DNAJC13: variants seen among roughly 807,000 people sequenced by gnomAD.
DNAJC13 encodes DnaJ heat shock protein family (Hsp40) member C13.
Under a neutral mutation model 290.5 loss-of-function variants are expected in DNAJC13, and 75 were observed. The observed-to-expected ratio is 0.26, with a 90% CI of 0.21 to 0.31. DNAJC13 has a LOEUF of 0.31. Among genes scored for constraint, DNAJC13 ranks in the 10% least tolerant of loss-of-function variants. The probability of loss-of-function intolerance (pLI) is 1.00; values close to 1 mark genes in which losing one functional copy is unlikely to be tolerated. For synonymous variants in DNAJC13, 862 were observed against 892.0 expected (o/e 0.97, Z 0.60); for missense variants, 2,260 against 2,674.5 (o/e 0.85, Z 3.42).
chr3:132,497,219 A>G (rs565848037), intron 36 of DNAJC13, among the ~76,000 whole-genome samples: 2 of 152,354 alleles, frequency 1.3e-5, no homozygotes, highest in Admixed American at 1.3e-4. Flanking sequence ...GTAATTTCAG[A>G]TTACAGGATT....
chr3:132,484,328 A>G lies in DNAJC13; in HGVS notation c.3183-260A>G, dbSNP rs780296235. Reference sequence around the variant, plus strand: ...TGTTGAACAACACCAAGTTTAATCAATTAAATAATAAATAAGAGTCTTTGG... The same window carrying G: ...TGTTGAACAACACCAAGTTTAATCAGTTAAATAATAAATAAGAGTCTTTGG... On this transcript the variant is annotated intron_variant, in intron 28 of 55. Coordinates refer to ENST00000260818, the MANE Select transcript of DNAJC13 (RefSeq NM_015268.4). The G allele has an allele frequency of 5.2e-5, 27 of 521,402 alleles. 1 individual carries two copies. The highest frequency in any genetic ancestry group is 4.4e-4 in the South Asian group (26 of 58,768). 32.3% of individuals were successfully genotyped at this position (521,402 alleles called of 1,614,324 possible). A position where few individuals can be genotyped will look rare whatever the true frequency, so the allele number is the denominator to read the frequency against.
intron 37 of DNAJC13, 83 bp from the exon 38 acceptor site, chr3:132,499,651 A>C (rs1042981824): frequency 8.8e-7 from 1 of 1,131,904 alleles, no homozygotes; most frequent in African/African-American, 1.6e-5. Flanking sequence ...TTAAAGGGTT[A>C]TTTATATTTT....
chr3:132,427,432 C>T (rs564612702), intron 1 of DNAJC13, among the ~76,000 whole-genome samples: 6 of 152,020 alleles, frequency 3.9e-5, no homozygotes, highest in East Asian at 1.9e-4. Context: ...CCATCGCACC[C>T]GGCAATATTT....
At chr3:132,481,706 T>G (rs966859942) in intron 26 of DNAJC13, among the ~76,000 whole-genome samples, 11 of 152,216 alleles carry the variant, frequency 7.2e-5, no homozygotes, top group Admixed American at 6.5e-4. Flanking sequence ...GTAAGGGTAA[T>G]AGGTATTAAA....
chr3:132,475,162 A>C, intron 22 of DNAJC13, 77 bp downstream of exon 22: 1 of 1,158,296 alleles, frequency 8.6e-7, no homozygotes, highest in African/African-American at 1.6e-5. Flanking sequence ...TTTTTTAAAA[A>C]AATTTGTAAT....
chr3:132,469,342 T>G (rs1934106889), intron 20 of DNAJC13, among the ~76,000 whole-genome samples: 1 of 152,256 alleles, frequency 6.6e-6, no homozygotes, highest in Admixed American at 6.5e-5. Context: ...TCTTATATAG[T>G]CAATGTTTAT....
At position 132,499,855 on chromosome 3, in the gene DNAJC13, G is replaced by T. The variant is rs1446652395; in HGVS notation, c.4416+47G>T. On this transcript the variant is annotated intron_variant, in intron 38 of 55. Transcript: ENST00000260818. ...CCAAGAAAATTGCACTAGTTCAATG[G>T]TTCAGACTTTAACATATCTGAGAAT... 2.6e-6 allele frequency: 4 copies of T among 1,529,840 alleles called. No homozygotes were observed. In the South Asian group the frequency reaches 3.4e-5, roughly 13 times the overall value. The allele number at this position is 1,529,840 out of a possible 1,614,324, so 94.8% of individuals were successfully genotyped here.
intron 36 of DNAJC13, among the ~76,000 whole-genome samples, chr3:132,498,907 A>G (rs1419763949): frequency 6.6e-6 from 1 of 151,858 alleles, no homozygotes; most frequent in African/African-American, 2.4e-5. Context: ...TAGTAGAGAA[A>G]GGGTTTCACT....
intron 29 of DNAJC13, among the ~76,000 whole-genome samples, chr3:132,487,145 T>G (rs1453423005): frequency 6.6e-6 from 1 of 152,202 alleles, no homozygotes; most frequent in East Asian, 1.9e-4. Flanking sequence ...ATAGAGAAAT[T>G]TAAGTTATTT....
chr3:132,484,767 A>G, intron 29 of DNAJC13, 95 bp downstream of exon 29: 1 of 1,224,814 alleles, frequency 8.2e-7, no homozygotes, highest in South Asian at 1.2e-5. Flanking sequence ...AGTCTATTCC[A>G]TTTTCAAAAA....
chr3:132,424,172 G>A (rs1486708870), intron 1 of DNAJC13, among the ~76,000 whole-genome samples: 2 of 152,056 alleles, frequency 1.3e-5, no homozygotes, highest in African/African-American at 4.8e-5. Flanking sequence ...ACATGTTTCT[G>A]GAAAGAAAGC....
At chr3:132,432,109 A>T (rs1321842645) in intron 1 of DNAJC13, among the ~76,000 whole-genome samples, 2 of 152,232 alleles carry the variant, frequency 1.3e-5, no homozygotes, top group African/African-American at 4.8e-5. Context: ...CAGTATAAAA[A>T]GATATAAAGC....
chr3:132,419,558 T>C (rs1035395172), intron 1 of DNAJC13, among the ~76,000 whole-genome samples: 1 of 152,174 alleles, frequency 6.6e-6, no homozygotes, highest in African/African-American at 2.4e-5. Flanking sequence ...GGTCCCAAAT[T>C]AGGGTTGAAA....
In DNAJC13 at chr3:132,419,448, A is replaced by G. The variant is rs572423755; in HGVS notation, c.-14+1688A>G. On this transcript the variant is annotated intron_variant, in intron 1 of 55. Transcript: ENST00000260818. ...TGTTTGGAATAATTTAACTTTATCC[A>G]CAAATAAATAGAAGATGGTTGCCTT... Among the ~76,000 whole-genome samples, 3 of 152,368 alleles carry G rather than the reference A, an allele frequency of 2.0e-5. No homozygotes were observed. The South Asian group carries it at 6.2e-4, about 32-fold the overall frequency.
At chr3:132,526,083 T>G in intron 52 of DNAJC13, 58 bp from the exon 53 acceptor site, 1 of 1,591,820 alleles carries the variant, frequency 6.3e-7, no homozygotes, top group Non-Finnish European at 8.6e-7. Context: ...GTTATGGTAT[T>G]TACTATGTTA....
intron 29 of DNAJC13, among the ~76,000 whole-genome samples, chr3:132,487,559 A>ATTTTTTTTTTT (rs10663131): frequency 0.024 from 2,689 of 110,058 alleles, 128 homozygotes; most frequent in East Asian, 0.073. Flanking sequence ...CCTGGCTGTA[A>ATTTTTTTTTTT]TTTTTTTTTT....
At chr3:132,471,708 C>G (rs1351473848) in intron 20 of DNAJC13, among the ~76,000 whole-genome samples, 1 of 122,260 alleles carries the variant, frequency 8.2e-6, no homozygotes, top group African/African-American at 3.0e-5. Context: ...AAGAGGCGCT[C>G]CTCACTTCCT....
chr3:132,523,092 T>C (rs1360705701), intron 49 of DNAJC13, 65 bp from the exon 50 acceptor site: 14 of 1,609,038 alleles, frequency 8.7e-6, no homozygotes, highest in South Asian at 1.1e-5. Context: ...CTAAAACTTA[T>C]GCTAAAGGTT....
In DNAJC13 at chr3:132,533,429, G is replaced by A. The variant is rs186036155; in HGVS notation, c.6625+2332G>A. Among the ~76,000 whole-genome samples the A allele has an allele frequency of 2.8e-3, 412 of 145,308 alleles. 2 individuals are homozygous for A. Among genetic ancestry groups the A allele is most frequent in the African/African-American group, 0.01 (397 of 38,640 alleles). ...CAGCTCACCGCAACCTTTGCCTCCC[G>A]GGTTCAAACGATTCTCCTGCCTTAG... On this transcript the variant is annotated intron_variant, in intron 55 of 55. Transcript: ENST00000260818.
Sources: gnomAD v4.1 joint callset for allele counts (sites outside exome capture counted in the v4.1 genomes callset) on GRCh38, gnomAD v4.1.1 for gene constraint, MANE v1.5 for transcripts, NCBI Gene and HGNC (gene_info 2026-07-23, HGNC 2026-07-21) for gene names.